NAV2: variants seen among roughly 807,000 people sequenced by gnomAD.
NAV2 encodes the protein neuron navigator 2.
Under a neutral mutation model 223.2 loss-of-function variants are expected in NAV2, and 54 were observed. The observed-to-expected ratio is 0.24, with a 90% CI of 0.19 to 0.30. The LOEUF is 0.30. NAV2 is among the 10% of genes least tolerant of loss of function. The pLI, the probability that NAV2 is intolerant of heterozygous loss-of-function variation, is 1.00. For missense variants in NAV2, 2,806 were observed against 3,147.5 expected, an observed-to-expected ratio of 0.89 and a Z score of 2.60; for synonymous variants, 1,279 against 1,239.3, an observed-to-expected ratio of 1.03 and a Z score of -0.67.
intron 1 of NAV2, among the ~76,000 whole-genome samples, chr11:19,814,520 T>A (rs1490019976): frequency 6.6e-6 from 1 of 152,206 alleles, no homozygotes; most frequent in East Asian, 1.9e-4. Context: ...GCATTTTTAT[T>A]CCTTTATGCC....
intron 1 of NAV2, among the ~76,000 whole-genome samples, chr11:19,520,628 CCCCTATTTTA>C (rs11279471): frequency 0.02 from 3,096 of 152,344 alleles, 101 homozygotes; most frequent in African/African-American, 0.071. Flanking sequence ...AGGGCCCCCT[CCCCTATTTTA>C]CCCTATCTTT....
Position 20,105,747 on chromosome 11 carries a change from CAG to C in NAV2, c.6841+21_6841+22del. 1 of 1,600,754 alleles carries C rather than the reference CAG, an allele frequency of 6.2e-7. No homozygotes were observed. The highest frequency in any genetic ancestry group is 2.2e-5 in the East Asian group (1 of 44,754). Reference sequence around the variant, plus strand: ...CCATCGGTGGGTGGGAGACTGGGGTCAGGGGGGCGGGCTGGCATCCTCAGGTG... The same window carrying C: ...CCATCGGTGGGTGGGAGACTGGGGTCGGGGGCGGGCTGGCATCCTCAGGTG... On this transcript the variant is annotated intron_variant, in intron 35 of 37. Coordinates refer to ENST00000349880, the MANE Select transcript of NAV2 (RefSeq NM_145117.5).
chr11:20,106,324 C>G (rs1181454427), intron 35 of NAV2, among the ~76,000 whole-genome samples: 2 of 144,450 alleles, frequency 1.4e-5, no homozygotes, highest in Non-Finnish European at 3.0e-5. Flanking sequence ...TTTGGGAGGC[C>G]AAGGCATATG....
At chr11:19,967,499 T>C (rs1365793570) in intron 10 of NAV2, among the ~76,000 whole-genome samples, 1 of 152,134 alleles carries the variant, frequency 6.6e-6, no homozygotes, top group Non-Finnish European at 1.5e-5. Context: ...GCATGGAAAG[T>C]ACTTAGAAAA....
chr11:19,494,890 CTG>C, intron 1 of NAV2, among the ~76,000 whole-genome samples: 1 of 152,346 alleles, frequency 6.6e-6, no homozygotes, highest in South Asian at 2.1e-4. Context: ...ACCCCCCGGG[CTG>C]TTGTGGTGCT....
At chr11:19,722,341 C>T (rs938484952) in intron 1 of NAV2, among the ~76,000 whole-genome samples, 1 of 152,140 alleles carries the variant, frequency 6.6e-6, no homozygotes, top group East Asian at 1.9e-4. Flanking sequence ...TTTAAAACCT[C>T]TGACTGAGCC....
At chr11:19,884,172 T>C (rs2063384768) in intron 5 of NAV2, 1 of 650,028 alleles carries the variant, frequency 1.5e-6, no homozygotes. Context: ...TAGAAAACAG[T>C]GGGCAGGGGG....
At chr11:19,894,996 C>T (rs1285537254) in intron 6 of NAV2, among the ~76,000 whole-genome samples, 1 of 151,856 alleles carries the variant, frequency 6.6e-6, no homozygotes, top group East Asian at 1.9e-4. Flanking sequence ...TCCCAATGTG[C>T]TGGGATTACA....
intron 1 of NAV2, among the ~76,000 whole-genome samples, chr11:19,703,774 G>A (rs1399494895): frequency 6.6e-6 from 1 of 152,200 alleles, no homozygotes; most frequent in Admixed American, 6.5e-5. Context: ...GCTTCATAAA[G>A]CCATGTTTTT....
chr11:20,068,896 C>T (rs2059217447), intron 22 of NAV2, among the ~76,000 whole-genome samples: 1 of 152,130 alleles, frequency 6.6e-6, no homozygotes, highest in Non-Finnish European at 1.5e-5. Context: ...CCAGCTATGC[C>T]CCGGGCACTG....
intron 1 of NAV2, among the ~76,000 whole-genome samples, chr11:19,546,162 T>A (rs191354675): frequency 1.3e-5 from 2 of 152,154 alleles, no homozygotes; most frequent in Admixed American, 1.3e-4. Flanking sequence ...GAGACAAGTA[T>A]GTAGATATTT....
chr11:19,386,428 A>C (rs1312371135), intron 1 of NAV2, among the ~76,000 whole-genome samples: 1 of 152,182 alleles, frequency 6.6e-6, no homozygotes, highest in African/African-American at 2.4e-5. Context: ...TGGTTGATTT[A>C]AATGGATCAG....
intron 1 of NAV2, among the ~76,000 whole-genome samples, chr11:19,446,577 G>T (rs1851590815): frequency 6.6e-6 from 1 of 152,162 alleles, no homozygotes; most frequent in South Asian, 2.1e-4. Context: ...CTTCTAGCCT[G>T]CCAGGTGATA....
intron 1 of NAV2, among the ~76,000 whole-genome samples, chr11:19,431,317 G>A (rs572445869): frequency 1.3e-5 from 2 of 152,288 alleles, no homozygotes; most frequent in South Asian, 2.1e-4. Context: ...TGCGTTTAAC[G>A]ACTGCTGAAG....
At chr11:19,345,633 C>A in the NAV2 span, among the ~76,000 whole-genome samples, 1 of 152,330 alleles carries the variant, frequency 6.6e-6, no homozygotes, top group East Asian at 1.9e-4. The surrounding 1 kb of genome is among the most constrained non-coding windows in gnomAD (Gnocchi z 5.2). Flanking sequence ...GCCGGCGGGC[C>A]CTTGTTCACA....
intron 1 of NAV2, among the ~76,000 whole-genome samples, chr11:19,670,062 G>A (rs1244574690): frequency 2.0e-5 from 3 of 152,122 alleles, no homozygotes; most frequent in Non-Finnish European, 4.4e-5. Context: ...GCCTCTCCTT[G>A]TCATGCCCAC....
chr11:20,108,372 T>C (rs929021371), intron 36 of NAV2, among the ~76,000 whole-genome samples: 1 of 152,222 alleles, frequency 6.6e-6, no homozygotes, highest in African/African-American at 2.4e-5. Context: ...TCAGCACCCC[T>C]ACCCTCTTAG....
chr11:19,546,625 G>A (rs1273920645), intron 1 of NAV2, among the ~76,000 whole-genome samples: 1 of 152,194 alleles, frequency 6.6e-6, no homozygotes, highest in Non-Finnish European at 1.5e-5. Flanking sequence ...ATCACCCTAG[G>A]CTTTTTGGGG....
At chr11:19,829,634 G>C (rs188472829) in intron 1 of NAV2, among the ~76,000 whole-genome samples, 1 of 152,232 alleles carries the variant, frequency 6.6e-6, no homozygotes, top group Non-Finnish European at 1.5e-5. Flanking sequence ...ACAACACTTA[G>C]GCCAGAGGGC....
Sources: gnomAD v4.1 joint callset for allele counts (sites outside exome capture counted in the v4.1 genomes callset) on GRCh38, gnomAD v4.1.1 for gene constraint, Gnocchi (gnomAD v3.1) non-coding constraint, MANE v1.5 for transcripts, NCBI Gene and HGNC (gene_info 2026-07-23, HGNC 2026-07-21) for gene names.